The following EPHA5 variants were observed in gnomAD, a reference collection of about 807,000 sequenced individuals.
EPHA5 encodes ephrin type-A receptor 5.
EPHA5 carries 60 observed loss-of-function variants against 105.0 expected under a neutral mutation model. The ratio of observed to expected loss-of-function variants is 0.57; its 90% confidence interval spans 0.46 to 0.71. EPHA5 has a LOEUF of 0.71. Ranked by LOEUF, EPHA5 falls within the 30% of genes least tolerant of loss-of-function variation. The probability of loss-of-function intolerance (pLI) is 0.00; values close to 1 mark genes in which losing one functional copy is unlikely to be tolerated. For synonymous variants in EPHA5, 513 were observed against 449.1 expected, an observed-to-expected ratio of 1.14 and a Z score of -1.80; for missense variants, 1,218 against 1,274.7, an observed-to-expected ratio of 0.96 and a Z score of 0.68.
intron 2 of EPHA5, among the ~76,000 whole-genome samples, chr4:65,613,863 C>G (rs1168948325): frequency 6.6e-6 from 1 of 151,854 alleles, no homozygotes. Flanking sequence ...TTAATTCTGA[C>G]CAACATTAGA....
chr4:65,531,869 T>C (rs1165603452), intron 3 of EPHA5, among the ~76,000 whole-genome samples: 4 of 152,218 alleles, frequency 2.6e-5, no homozygotes, highest in Non-Finnish European at 5.9e-5. Context: ...ACCTAGGTCT[T>C]TGGGCTTTCA....
At chr4:65,397,607 C>G (rs1474361025) in intron 8 of EPHA5, among the ~76,000 whole-genome samples, 1 of 127,392 alleles carries the variant, frequency 7.8e-6, no homozygotes, top group Admixed American at 7.4e-5. Context: ...TTTTAGATTT[C>G]TAGTTTTTTT....
chr4:65,572,626 C>T (rs1173870918), intron 3 of EPHA5, among the ~76,000 whole-genome samples: 1 of 151,980 alleles, frequency 6.6e-6, no homozygotes, highest in East Asian at 1.9e-4. Context: ...ATTTATCTGC[C>T]AATAGTTTCA....
chr4:65,374,958 T>A (rs1313747143), intron 8 of EPHA5, among the ~76,000 whole-genome samples: 4 of 151,914 alleles, frequency 2.6e-5, no homozygotes, highest in Admixed American at 2.6e-4. Flanking sequence ...GCTCTTAATA[T>A]TTATTAATAA....
chr4:65,478,163 C>T (rs979262584), intron 5 of EPHA5, among the ~76,000 whole-genome samples: 20 of 152,208 alleles, frequency 1.3e-4, no homozygotes, highest in Admixed American at 2.0e-4. Context: ...TCAATATAGA[C>T]GGGCAGCTTT....
At chr4:65,509,760 A>G (rs1242505880) in intron 3 of EPHA5, among the ~76,000 whole-genome samples, 3 of 152,212 alleles carry the variant, frequency 2.0e-5, no homozygotes, top group African/African-American at 7.2e-5. Flanking sequence ...AGGGTCATTC[A>G]GTGAGTAAAA....
At chr4:65,525,393 G>A (rs1735134337) in intron 3 of EPHA5, among the ~76,000 whole-genome samples, 1 of 151,738 alleles carries the variant, frequency 6.6e-6, no homozygotes, top group South Asian at 2.1e-4. Context: ...ATTTTATCAT[G>A]AATCTAATAT....
chr4:65,335,111 C>T (rs10024948), intron 15 of EPHA5, among the ~76,000 whole-genome samples: 25,780 of 151,872 alleles, frequency 0.17, 2,702 homozygotes, highest in South Asian at 0.24. Flanking sequence ...AATTGTTTCT[C>T]ATTTAGTCCA....
intron 1 of EPHA5, among the ~76,000 whole-genome samples, chr4:65,646,047 A>G (rs1468390843): frequency 6.6e-6 from 1 of 152,162 alleles, no homozygotes; most frequent in East Asian, 1.9e-4. Flanking sequence ...ATTCTCAGAG[A>G]AAATAACTAA....
At chr4:65,426,779 C>G (rs937008776) in intron 5 of EPHA5, among the ~76,000 whole-genome samples, 1 of 152,096 alleles carries the variant, frequency 6.6e-6, no homozygotes, top group Non-Finnish European at 1.5e-5. Context: ...GCTCTCACCA[C>G]CTGTCATCCA....
chr4:65,570,034 G>A (rs1739957247), intron 3 of EPHA5, among the ~76,000 whole-genome samples: 1 of 151,654 alleles, frequency 6.6e-6, no homozygotes, highest in Non-Finnish European at 1.5e-5. Flanking sequence ...GTGTAATTCA[G>A]TATGTGAGAA....
intron 3 of EPHA5, among the ~76,000 whole-genome samples, chr4:65,541,734 C>T (rs1392342518): frequency 6.6e-6 from 1 of 151,882 alleles, no homozygotes; most frequent in East Asian, 1.9e-4. Context: ...TTGAACTCAG[C>T]TTTGGATTAA....
intron 2 of EPHA5, among the ~76,000 whole-genome samples, chr4:65,627,912 CTA>C (rs1746297706): frequency 6.6e-6 from 1 of 152,060 alleles, no homozygotes; most frequent in African/African-American, 2.4e-5. Flanking sequence ...AAAGCATAAA[CTA>C]TGTGTATTAA....
At chr4:65,529,938 A>C (rs929103637) in intron 3 of EPHA5, among the ~76,000 whole-genome samples, 1 of 152,140 alleles carries the variant, frequency 6.6e-6, no homozygotes, top group Non-Finnish European at 1.5e-5. Flanking sequence ...TTGATACCTA[A>C]GGTTATACTA....
At position 65,322,985 on chromosome 4, in the gene EPHA5, A is replaced by C. The variant is rs1719758609; in HGVS notation, c.*1129T>G. 1 of 229,194 alleles carries C rather than the reference A, an allele frequency of 4.4e-6. No individual in the cohort carries two copies. Among genetic ancestry groups the C allele is most frequent in the Non-Finnish European group, 8.7e-6 (1 of 115,472 alleles). 14.2% of individuals were successfully genotyped at this position (229,194 alleles called of 1,614,324 possible). A position where few individuals can be genotyped will look rare whatever the true frequency, so the allele number is the denominator to read the frequency against. ...TGTGCCTGGATTTAACAACATTAACAGAAGCCTGCACAGTTAAATCCTTCT... is the reference window on the plus strand; with the variant it reads ...TGTGCCTGGATTTAACAACATTAACCGAAGCCTGCACAGTTAAATCCTTCT... On this transcript the variant is annotated 3_prime_UTR_variant, in exon 17 of 17. Coordinates refer to ENST00000613740, the MANE Select transcript of EPHA5 (RefSeq NM_001281766.3).
At chr4:65,450,870 C>T (rs1185034951) in intron 5 of EPHA5, among the ~76,000 whole-genome samples, 3 of 152,098 alleles carry the variant, frequency 2.0e-5, no homozygotes, top group East Asian at 1.9e-4. Context: ...TCCTAAATTG[C>T]TTTTCTCTTT....
chr4:65,543,914 A>G (rs34612452), intron 3 of EPHA5, among the ~76,000 whole-genome samples: 36,825 of 151,914 alleles, frequency 0.24, 4,583 homozygotes, highest in African/African-American at 0.28. Flanking sequence ...CTCAGAAATA[A>G]CACCACACAT....
chr4:65,649,150 G>T (rs942466340), intron 1 of EPHA5, among the ~76,000 whole-genome samples: 17 of 152,180 alleles, frequency 1.1e-4, no homozygotes, highest in African/African-American at 3.9e-4. Flanking sequence ...TGAATATGGG[G>T]AAATAACTTG....
chr4:65,421,528 C>T (rs2149039891), intron 5 of EPHA5, among the ~76,000 whole-genome samples: 1 of 152,108 alleles, frequency 6.6e-6, no homozygotes, highest in South Asian at 2.1e-4. Flanking sequence ...GCTCAATTTC[C>T]CATTATCACT....
Sources: gnomAD v4.1 joint callset for allele counts (sites outside exome capture counted in the v4.1 genomes callset) on GRCh38, gnomAD v4.1.1 for gene constraint, MANE v1.5 for transcripts, NCBI Gene and HGNC (gene_info 2026-07-23, HGNC 2026-07-21) for gene names.